The following QSER1 variants were observed in gnomAD, a reference collection of about 807,000 sequenced individuals.
QSER1 encodes glutamine and serine-rich protein 1.
In QSER1, 49 loss-of-function variants were observed where a neutral mutation model predicts 158.5. The ratio of observed to expected loss-of-function variants is 0.31; its 90% CI spans 0.25 to 0.39. The LOEUF (loss-of-function observed/expected upper bound fraction) is 0.39. Ranked by LOEUF, QSER1 falls within the 10% of genes least tolerant of loss-of-function variation. The probability of loss-of-function intolerance (pLI) is 1.00; values close to 1 mark genes in which losing one functional copy is unlikely to be tolerated. For synonymous variants in QSER1, 650 were observed against 715.5 expected (o/e 0.91, Z 1.46); for missense variants, 1,754 against 2,010.3 (o/e 0.87, Z 2.44).
At chr11:32,916,099 C>T (rs1487892411) in intron 1 of QSER1, among the ~76,000 whole-genome samples, 4 of 152,050 alleles carry the variant, frequency 2.6e-5, no homozygotes, top group African/African-American at 7.3e-5. Context: ...CAGGGTTTCT[C>T]TATGTTGGTC....
At chr11:32,943,601 A>G (rs1281672930) in intron 4 of QSER1, among the ~76,000 whole-genome samples, 1 of 150,676 alleles carries the variant, frequency 6.6e-6, no homozygotes, top group Non-Finnish European at 1.5e-5. Context: ...ATCATGGTGG[A>G]TAAGCTTTTT....
Position 32,935,404 on chromosome 11 carries a change from G to A in QSER1, c.4146G>A (p.Leu1382=), listed in dbSNP as rs1852137343. ...GCGTCTCTACTCCCTTAACTACTTTGGATGCTACTTCTGATAAAAAGAAGA... is the reference window on the plus strand; with the variant it reads ...GCGTCTCTACTCCCTTAACTACTTTAGATGCTACTTCTGATAAAAAGAAGA... The part of the protein sequence containing the change: ...YKSVSTPLTT[L]DATSDKKKKT... Residue 1382 remains leucine, a synonymous_variant, in exon 4 of 13, where the codon TTG becomes TTA. Transcript: ENST00000650167. The A allele has an allele frequency of 4.6e-6, 7 of 1,534,954 alleles. No individual in the cohort carries two copies. The South Asian group carries it at 7.6e-5, about 17-fold the overall frequency.
At chr11:32,917,612 G>A (rs952163183) in intron 1 of QSER1, among the ~76,000 whole-genome samples, 2 of 152,026 alleles carry the variant, frequency 1.3e-5, no homozygotes, top group Admixed American at 1.3e-4. Context: ...GATCACTTGA[G>A]ATCAGGAGTT....
chr11:32,955,622 A>G (rs1852497981), intron 6 of QSER1, among the ~76,000 whole-genome samples: 1 of 152,036 alleles, frequency 6.6e-6, no homozygotes, highest in South Asian at 2.1e-4. Flanking sequence ...ACCTTGTACT[A>G]TTGTTTAACT....
chr11:32,921,946 CATATATATGGTTT>C (rs1851904511), intron 1 of QSER1, among the ~76,000 whole-genome samples: 1 of 152,046 alleles, frequency 6.6e-6, no homozygotes, highest in Non-Finnish European at 1.5e-5. Context: ...AATAGAAACC[CATATATATGGTTT>C]ATTGGTTTTT....
chr11:32,970,648 G>T (rs547435828), intron 10 of QSER1, among the ~76,000 whole-genome samples: 1 of 152,048 alleles, frequency 6.6e-6, no homozygotes, highest in Admixed American at 6.6e-5. Flanking sequence ...CAAGTGATCC[G>T]CCTACTTCCG....
chr11:32,903,407 G>T (rs1851649346), intron 1 of QSER1, among the ~76,000 whole-genome samples: 1 of 148,460 alleles, frequency 6.7e-6, no homozygotes, highest in South Asian at 2.2e-4. Flanking sequence ...TATGTTGGGA[G>T]GTGATACCAG....
chr11:32,900,975 C>G (rs926534732), intron 1 of QSER1, among the ~76,000 whole-genome samples: 7 of 152,200 alleles, frequency 4.6e-5, no homozygotes, highest in Admixed American at 1.3e-4. Context: ...CCCGATACCA[C>G]TAACCATCAC....
Position 32,972,406 on chromosome 11 carries a change from CTTATTTATTTAT to C in QSER1, c.5206-955_5206-944del, listed in dbSNP as rs34645067. On this transcript the variant is annotated intron_variant, in intron 10 of 12. Transcript: ENST00000650167. ...GGTAAGGGCATAAATAGGCCAGTGG[CTTATTTATTTAT>C]TTATTTATTTATTTATTTATTTATT... Among the ~76,000 whole-genome samples the C allele has an allele frequency of 1.7e-3, 234 of 141,002 alleles. 1 individual carries two copies. Among genetic ancestry groups the C allele is most frequent in the South Asian group, 8.5e-3 (36 of 4,218 alleles). 92.5% of individuals were successfully genotyped at this position (141,002 alleles called of 152,430 possible).
At position 32,979,856 on chromosome 11, in the gene QSER1, G is replaced by T. The variant is rs1853041558; in HGVS notation, c.*3382G>T. On this transcript the variant is annotated 3_prime_UTR_variant, in exon 13 of 13. Transcript: ENST00000650167. Reference sequence around the variant, plus strand: ...AGCTTTCTCAAATGTTGCTTCAGATGTGCAAGTTGCAAATTTTATTGTATT... The same window carrying T: ...AGCTTTCTCAAATGTTGCTTCAGATTTGCAAGTTGCAAATTTTATTGTATT... 1 of 152,196 alleles carries T rather than the reference G, an allele frequency of 6.6e-6. No individual in the cohort carries two copies. Among genetic ancestry groups the T allele is most frequent in the Non-Finnish European group, 1.5e-5 (1 of 68,030 alleles). The allele number at this position is 152,196 out of a possible 1,614,324, so 9.4% of individuals were successfully genotyped here.
At chr11:32,970,818 G>A (rs1852837897) in intron 10 of QSER1, among the ~76,000 whole-genome samples, 1 of 151,968 alleles carries the variant, frequency 6.6e-6, no homozygotes, top group Non-Finnish European at 1.5e-5. Context: ...GTTTTCTAAA[G>A]ATTTACTAAA....
At chr11:32,896,388 CTT>C (rs1228592194) in intron 1 of QSER1, among the ~76,000 whole-genome samples, 1 of 152,024 alleles carries the variant, frequency 6.6e-6, no homozygotes. Context: ...GAGTTTCGCT[CTT>C]GTTGCCCAGG....
chr11:32,945,552 T>G (rs888151067), intron 4 of QSER1, among the ~76,000 whole-genome samples: 37 of 152,332 alleles, frequency 2.4e-4, no homozygotes, highest in South Asian at 6.2e-4. Flanking sequence ...TTTAAGAATG[T>G]TGAATATTGG....
intron 4 of QSER1, among the ~76,000 whole-genome samples, chr11:32,951,838 A>ATTTT (rs34354021): frequency 7.4e-6 from 1 of 135,996 alleles, no homozygotes; most frequent in African/African-American, 2.7e-5. Flanking sequence ...ATTCCTTGGG[A>ATTTT]TTTTTTTTTT....
rs1853035531 is a variant in QSER1, at chr11:32,979,448, A to G, written c.*2974A>G. The G allele has an allele frequency of 6.6e-6, 1 of 152,180 alleles. No homozygotes were observed. The highest frequency in any genetic ancestry group is 6.6e-5 in the Admixed American group (1 of 15,258). 9.4% of individuals were successfully genotyped at this position (152,180 alleles called of 1,614,324 possible). On this transcript the variant is annotated 3_prime_UTR_variant, in exon 13 of 13. Coordinates refer to ENST00000650167, the MANE Select transcript of QSER1 (RefSeq NM_001076786.3). ...CCCTTGTCATTTTCATTATAACCCA[A>G]TTTCCACTTATTTGAACTCTTAAGT...
intron 8 of QSER1, among the ~76,000 whole-genome samples, chr11:32,959,882 C>T (rs186051007): frequency 1.3e-5 from 2 of 152,190 alleles, no homozygotes; most frequent in Admixed American, 1.3e-4. Flanking sequence ...CCACCTCAGC[C>T]TCCTGAGTAG....
chr11:32,941,761 T>G (rs564844060), intron 4 of QSER1, among the ~76,000 whole-genome samples: 1 of 152,258 alleles, frequency 6.6e-6, no homozygotes, highest in Non-Finnish European at 1.5e-5. Context: ...ATGGGATGGC[T>G]GGGTCAAATG....
chr11:32,910,314 A>G (rs1252968828), intron 1 of QSER1, among the ~76,000 whole-genome samples: 3 of 152,052 alleles, frequency 2.0e-5, no homozygotes, highest in Non-Finnish European at 4.4e-5. Context: ...TTGTTTTATT[A>G]GTTGGTTTCC....
intron 4 of QSER1, among the ~76,000 whole-genome samples, chr11:32,936,058 C>A (rs1197868550): frequency 4.6e-5 from 7 of 151,536 alleles, no homozygotes; most frequent in African/African-American, 1.7e-4. Flanking sequence ...TTTTTTTATA[C>A]TTTAAGTTTT....
Sources: allele counts gnomAD v4.1 joint callset (sites outside exome capture counted in the v4.1 genomes callset), GRCh38; gene constraint gnomAD v4.1.1; transcripts MANE v1.5; gene names NCBI Gene and HGNC (gene_info 2026-07-23, HGNC 2026-07-21).